SOX5: variants seen among roughly 807,000 people sequenced by gnomAD.
SOX5 encodes SRY-box transcription factor 5.
A neutral mutation model predicts 92.0 loss-of-function variants in SOX5; 9 were observed. The observed-to-expected ratio is 0.10, with a 90% confidence interval of 0.06 to 0.17. The LOEUF (loss-of-function observed/expected upper bound fraction) is 0.17. Among genes scored for constraint, SOX5 ranks in the 10% least tolerant of loss-of-function variants. SOX5 has a pLI of 1.00. For synonymous variants in SOX5, 344 were observed against 336.3 expected, an observed-to-expected ratio of 1.02 and a Z score of -0.25; for missense variants, 642 against 944.5, an observed-to-expected ratio of 0.68 and a Z score of 4.20.
intron 10 of SOX5, among the ~76,000 whole-genome samples, chr12:23,564,570 A>C (rs1445704725): frequency 6.6e-6 from 1 of 152,196 alleles, no homozygotes; most frequent in African/African-American, 2.4e-5. Flanking sequence ...TGTTCCATGG[A>C]TTCCAGCAAA....
At chr12:24,286,973 A>G (rs1388023526) in intron 2 of SOX5, among the ~76,000 whole-genome samples, 3 of 152,214 alleles carry the variant, frequency 2.0e-5, no homozygotes, top group African/African-American at 7.2e-5. Flanking sequence ...GACTGACTAC[A>G]GAACCATCTG....
intron 1 of SOX5, among the ~76,000 whole-genome samples, chr12:24,445,013 T>C (rs897270785): frequency 1.3e-5 from 2 of 152,192 alleles, no homozygotes; most frequent in African/African-American, 4.8e-5. Context: ...GATGATTTTT[T>C]CTGTACCATC....
At chr12:23,560,490 T>C (rs1946021852) in intron 11 of SOX5, among the ~76,000 whole-genome samples, 1 of 152,228 alleles carries the variant, frequency 6.6e-6, no homozygotes, top group Non-Finnish European at 1.5e-5. Context: ...CTTTGTCAAC[T>C]CAAGGATGTA....
chr12:24,329,450 G>T (rs1010085919), intron 2 of SOX5, among the ~76,000 whole-genome samples: 2 of 152,110 alleles, frequency 1.3e-5, no homozygotes, highest in Admixed American at 1.3e-4. Context: ...TGGGGGAAAA[G>T]GCCCCCAAAG....
At chr12:23,639,165 T>G (rs572780083) in intron 8 of SOX5, among the ~76,000 whole-genome samples, 150 of 152,188 alleles carry the variant, frequency 9.9e-4, no homozygotes, top group African/African-American at 3.4e-3. Context: ...TTTTAATATC[T>G]TAATGTCTCA....
chr12:23,659,403 A>G (rs552168152), intron 7 of SOX5, among the ~76,000 whole-genome samples: 1 of 152,326 alleles, frequency 6.6e-6, no homozygotes, highest in South Asian at 2.1e-4. Context: ...TGAAGAGTAA[A>G]TACAGCATAT....
At chr12:24,547,037 G>A (rs1952687916) in intron 1 of SOX5, among the ~76,000 whole-genome samples, 1 of 152,096 alleles carries the variant, frequency 6.6e-6, no homozygotes, top group South Asian at 2.1e-4. Context: ...CAAAGTAACT[G>A]TATTACTAAA....
chr12:23,724,694 G>A (rs1253585791), intron 6 of SOX5, among the ~76,000 whole-genome samples: 2 of 152,116 alleles, frequency 1.3e-5, no homozygotes, highest in Non-Finnish European at 2.9e-5. Flanking sequence ...GGCTGTCAGA[G>A]GTGGCCTCCC....
At chr12:24,316,243 G>A (rs1949687377) in intron 2 of SOX5, among the ~76,000 whole-genome samples, 1 of 152,162 alleles carries the variant, frequency 6.6e-6, no homozygotes, top group Non-Finnish European at 1.5e-5. Flanking sequence ...GTGGGGTTGA[G>A]GGGAAGGGGA....
chr12:23,930,089 G>T (rs1353852661), intron 1 of SOX5, among the ~76,000 whole-genome samples: 1 of 151,726 alleles, frequency 6.6e-6, no homozygotes, highest in East Asian at 1.9e-4. Context: ...TGGAATGAAG[G>T]GCATTAAAAG....
chr12:23,891,507 T>A (rs1209741009), intron 2 of SOX5, among the ~76,000 whole-genome samples: 9 of 152,212 alleles, frequency 5.9e-5, no homozygotes, highest in Non-Finnish European at 8.8e-5. Context: ...GTCTCTAACC[T>A]ATTCAGGCAA....
chr12:23,677,121 C>A (rs2085835733), intron 6 of SOX5, among the ~76,000 whole-genome samples: 1 of 152,114 alleles, frequency 6.6e-6, no homozygotes, highest in African/African-American at 2.4e-5. Flanking sequence ...CATTTTCATT[C>A]AGGATTCATG....
intron 2 of SOX5, among the ~76,000 whole-genome samples, chr12:23,873,356 C>T (rs1035116866): frequency 6.6e-6 from 1 of 151,964 alleles, no homozygotes; most frequent in African/African-American, 2.4e-5. Flanking sequence ...ACCTGCAGCC[C>T]CAGCTACTGG....
At chr12:23,963,276 T>C (rs1020204561) in intron 4 of SOX5, among the ~76,000 whole-genome samples, 8 of 152,238 alleles carry the variant, frequency 5.3e-5, no homozygotes, top group African/African-American at 1.9e-4. Flanking sequence ...CAGGAGAATA[T>C]AGGAAATGCT....
intron 2 of SOX5, among the ~76,000 whole-genome samples, chr12:24,361,316 G>T (rs1451292965): frequency 6.6e-6 from 1 of 152,078 alleles, no homozygotes; most frequent in Non-Finnish European, 1.5e-5. Flanking sequence ...CTAGAAAAAT[G>T]TATGCTCGAG....
chr12:24,260,708 A>T (rs1941963647), intron 3 of SOX5, among the ~76,000 whole-genome samples: 1 of 152,200 alleles, frequency 6.6e-6, no homozygotes, highest in Non-Finnish European at 1.5e-5. Context: ...AAGTTGGATC[A>T]CATGTCTCTT....
intron 4 of SOX5, among the ~76,000 whole-genome samples, chr12:23,750,746 T>C (rs2094155048): frequency 6.6e-6 from 1 of 151,858 alleles, no homozygotes; most frequent in South Asian, 2.1e-4. Context: ...TTGATTAACC[T>C]TATGTTTAAA....
intron 2 of SOX5, among the ~76,000 whole-genome samples, chr12:23,893,804 C>A (rs1222417225): frequency 6.6e-6 from 1 of 152,180 alleles, no homozygotes; most frequent in Non-Finnish European, 1.5e-5. Context: ...CCCATTGTCT[C>A]CTTTTCCTAG....
intron 4 of SOX5, among the ~76,000 whole-genome samples, chr12:23,741,396 T>C (rs1014498997): frequency 2.0e-5 from 3 of 152,162 alleles, no homozygotes; most frequent in Non-Finnish European, 2.9e-5. Context: ...TGGCTGAACA[T>C]CTACTGTTTT....
Sources: allele counts gnomAD v4.1 joint callset (sites outside exome capture counted in the v4.1 genomes callset), GRCh38; gene constraint gnomAD v4.1.1; transcripts MANE v1.5; gene names NCBI Gene and HGNC (gene_info 2026-07-23, HGNC 2026-07-21).